The following ATG13 variants were observed in gnomAD, a reference collection of about 807,000 sequenced individuals.
The protein encoded by ATG13 is autophagy-related protein 13.
In ATG13, 23 loss-of-function variants were observed where a neutral mutation model predicts 65.5. The observed-to-expected ratio is 0.35, with a 90% confidence interval of 0.25 to 0.50. The LOEUF (loss-of-function observed/expected upper bound fraction) is 0.50. ATG13 is among the 20% of genes least tolerant of loss of function. The probability of loss-of-function intolerance (pLI) is 0.98; values close to 1 mark genes in which losing one functional copy is unlikely to be tolerated. For missense variants in ATG13, 566 were observed against 677.0 expected, an observed-to-expected ratio of 0.84 and a Z score of 1.82; for synonymous variants, 252 against 245.2, an observed-to-expected ratio of 1.03 and a Z score of -0.26.
At chr11:46,631,348 C>A (rs1270356244) in intron 2 of ATG13, among the ~76,000 whole-genome samples, 1 of 152,160 alleles carries the variant, frequency 6.6e-6, no homozygotes, top group African/African-American at 2.4e-5. Context: ...GACCACCAAG[C>A]TGGCCTATTT....
At chr11:46,647,840 G>T (rs972766301) in intron 5 of ATG13, among the ~76,000 whole-genome samples, 1 of 150,572 alleles carries the variant, frequency 6.6e-6, no homozygotes, top group African/African-American at 2.4e-5. Context: ...CAAACTCCTG[G>T]CCTCAACTGA....
intron 1 of ATG13, 54 bp downstream of exon 1, chr11:46,617,944 G>A: frequency 2.5e-6 from 1 of 399,138 alleles, no homozygotes; most frequent in Admixed American, 4.4e-5. Context: ...CCGGGTGGGA[G>A]GCTGTGGATC....
At chr11:46,634,141 G>A (rs892151225) in intron 2 of ATG13, among the ~76,000 whole-genome samples, 2 of 151,782 alleles carry the variant, frequency 1.3e-5, no homozygotes, top group African/African-American at 4.8e-5. Context: ...CTATCGCCAG[G>A]CTAGAGTTCA....
chr11:46,637,755 AGAG>A (rs1366569489), intron 2 of ATG13, among the ~76,000 whole-genome samples: 2 of 152,232 alleles, frequency 1.3e-5, no homozygotes, highest in South Asian at 2.1e-4. Context: ...AGAAGCGGAC[AGAG>A]GAGTGGGAAA....
At chr11:46,639,176 C>A (rs1789465980) in intron 2 of ATG13, among the ~76,000 whole-genome samples, 1 of 152,016 alleles carries the variant, frequency 6.6e-6, no homozygotes, top group Non-Finnish European at 1.5e-5. Flanking sequence ...TTAGTAGAGA[C>A]AGGGTTTTAC....
At chr11:46,625,666 A>G (rs1427789002) in intron 1 of ATG13, among the ~76,000 whole-genome samples, 1 of 152,154 alleles carries the variant, frequency 6.6e-6, no homozygotes, top group African/African-American at 2.4e-5. Flanking sequence ...GAGAAGAGGA[A>G]TTCCGCTGAG....
chr11:46,668,863 G>A lies in ATG13; in HGVS notation c.1399G>A (p.Gly467Arg), dbSNP rs35619591. The stretch of plus-strand genomic sequence containing the variant: ...CAGCCTGCACTCAGATGGCTCCAGC[G>A]GGGGCAGCAGTGGCAATACCCATGA... ...QGSLHSDGSS[G>R]GSSGNTHDDF... Residue 467 changes from glycine (G) to arginine (R), a missense_variant, in exon 17 of 19, where the codon GGG becomes AGG. Gly to Arg is a moderately radical substitution (Grantham distance 125). This residue lies in a region of ATG13 where 387 missense variants were observed against 409.8 expected (regional missense o/e 0.94). Transcript: ENST00000683050. 14,271 of 1,613,856 alleles carry A rather than the reference G, an allele frequency of 8.8e-3. 137 individuals are homozygous for A. Among genetic ancestry groups the A allele is most frequent in the South Asian group, 0.021 (1,958 of 91,074 alleles).
At chr11:46,652,519 A>G (rs555203089) in intron 7 of ATG13, among the ~76,000 whole-genome samples, 2 of 152,286 alleles carry the variant, frequency 1.3e-5, no homozygotes, top group East Asian at 3.9e-4. Flanking sequence ...GTTCGAGACC[A>G]GCCTGGGCAA....
At chr11:46,627,578 C>T (rs1444479003) in intron 1 of ATG13, among the ~76,000 whole-genome samples, 1 of 151,882 alleles carries the variant, frequency 6.6e-6, no homozygotes. Context: ...TCAAGCGATT[C>T]TCCTGCCTCA....
intron 7 of ATG13, among the ~76,000 whole-genome samples, chr11:46,653,601 G>A (rs1399437901): frequency 4.7e-5 from 7 of 148,390 alleles, no homozygotes; most frequent in Admixed American, 6.8e-5. Flanking sequence ...ACGGAGTCTC[G>A]CTGTGTTGCC....
intron 2 of ATG13, chr11:46,632,515 T>C (rs894043459): frequency 2.0e-5 from 3 of 152,198 alleles, no homozygotes; most frequent in African/African-American, 7.2e-5. Flanking sequence ...TTTCTTTGGC[T>C]TAGTCTCCTA....
At chr11:46,619,528 A>G (rs1232535856) in intron 1 of ATG13, among the ~76,000 whole-genome samples, 1 of 150,960 alleles carries the variant, frequency 6.6e-6, no homozygotes, top group Non-Finnish European at 1.5e-5. Flanking sequence ...GGGATTACAG[A>G]CATGTGCCAG....
At chr11:46,628,666 T>C in intron 1 of ATG13, among the ~76,000 whole-genome samples, 1 of 152,210 alleles carries the variant, frequency 6.6e-6, no homozygotes, top group East Asian at 1.9e-4. Context: ...ATTGGTTAAC[T>C]GTTCATTGTT....
In ATG13 at chr11:46,644,140, TTTAG is replaced by T. The variant is rs1217585410; in HGVS notation, c.-13-135_-13-132del. ...TCTCAGTATTTTTCACTTTGGTATCTTTAGTTAAAGGAAATTTTTTTCCTCCCAC... is the reference window on the plus strand; with the variant it reads ...TCTCAGTATTTTTCACTTTGGTATCTTTAAAGGAAATTTTTTTCCTCCCAC... On this transcript the variant is annotated intron_variant, in intron 2 of 18. Coordinates refer to ENST00000683050, the MANE Select transcript of ATG13 (RefSeq NM_001346311.2). 5 of 551,600 alleles carry T rather than the reference TTTAG, an allele frequency of 9.1e-6. No individual in the cohort carries two copies. In the East Asian group the frequency reaches 9.4e-5, roughly 10 times the overall value. The allele number at this position is 551,600 out of a possible 1,614,324, so 34.2% of individuals were successfully genotyped here.
intron 14 of ATG13, 85 bp from the exon 15 acceptor site, chr11:46,667,688 G>A: frequency 9.4e-7 from 1 of 1,062,376 alleles, no homozygotes; most frequent in Non-Finnish European, 1.4e-6. Context: ...CTAGGCCACA[G>A]CCCCACCAGA....
At chr11:46,633,027 T>TA (rs1491210178) in intron 2 of ATG13, among the ~76,000 whole-genome samples, 2,284 of 80,570 alleles carry the variant, frequency 0.028, 17 homozygotes, top group African/African-American at 0.054. Context: ...TATATATATA[T>TA]TTTTTTTTTT....
chr11:46,636,506 C>T (rs1004852690), intron 2 of ATG13, among the ~76,000 whole-genome samples: 2 of 137,510 alleles, frequency 1.5e-5, no homozygotes, highest in Admixed American at 8.4e-5. Flanking sequence ...TGCAGTGAGC[C>T]GAGATCATGC....
At position 46,654,283 on chromosome 11, in the gene ATG13, T is replaced by TTATATATATA. The variant is rs376147806; in HGVS notation, c.459-1932_459-1923dup. 1.5e-3 allele frequency among the ~76,000 whole-genome samples: 185 copies of TTATATATATA among 122,302 alleles called. 1 individual carries two copies. Among genetic ancestry groups the TTATATATATA allele is most frequent in the South Asian group, 4.0e-3 (15 of 3,774 alleles). 80.2% of individuals were successfully genotyped at this position (122,302 alleles called of 152,430 possible). A position where few individuals can be genotyped will look rare whatever the true frequency, so the allele number is the denominator to read the frequency against. On this transcript the variant is annotated intron_variant, in intron 7 of 18. Transcript: ENST00000683050. ...CCTCATCACTACTATTTTTAAAATT[T>TTATATATATA]TATATATATATATATATATATATAT...
At position 46,657,628 on chromosome 11, in the gene ATG13, G is replaced by C; in HGVS notation, c.695+6G>C. ...ATGCACCCCTGCAATTACAGGTGAG[G>C]AATGTGAAAAGGTGCTCTCCCAAAC... On this transcript the variant is annotated splice_donor_region_variant and intron_variant, in intron 10 of 18. Coordinates refer to ENST00000683050, the MANE Select transcript of ATG13 (RefSeq NM_001346311.2). 6.3e-7 allele frequency: 1 copy of C among 1,586,432 alleles called. No homozygotes were observed. The highest frequency in any genetic ancestry group is 8.6e-7 in the Non-Finnish European group (1 of 1,165,982).
Sources: allele counts gnomAD v4.1 joint callset (sites outside exome capture counted in the v4.1 genomes callset), GRCh38; gene constraint gnomAD v4.1.1; regional missense constraint gnomAD v4.1.1; transcripts MANE v1.5; gene names NCBI Gene and HGNC (gene_info 2026-07-23, HGNC 2026-07-21).